The following MBD5 variants were observed in gnomAD, a reference collection of about 807,000 sequenced individuals.
MBD5 encodes the protein methyl-CpG-binding domain protein 5.
MBD5 carries 13 observed loss-of-function variants against 117.3 expected under a neutral mutation model. That is an observed-to-expected ratio of 0.11 (90% CI 0.07 to 0.18). MBD5 has a LOEUF of 0.18. Among genes scored for constraint, MBD5 ranks in the 10% least tolerant of loss-of-function variants. MBD5 has a pLI of 1.00. For missense variants in MBD5, 1,879 were observed against 2,093.8 expected (o/e 0.90, Z 2.00); for synonymous variants, 727 against 766.4 (o/e 0.95, Z 0.85).
chr2:148,291,915 A>G (rs924366157), intron 3 of MBD5, among the ~76,000 whole-genome samples: 1 of 152,184 alleles, frequency 6.6e-6, no homozygotes, highest in Non-Finnish European at 1.5e-5. Flanking sequence ...AAATCCATAC[A>G]CATACAGTGA....
chr2:148,494,906 T>A (rs1399761574), intron 11 of MBD5, among the ~76,000 whole-genome samples: 16 of 152,086 alleles, frequency 1.1e-4, no homozygotes, highest in Non-Finnish European at 4.4e-5. Flanking sequence ...GAGCTCGCAG[T>A]TAGCCGAGAT....
intron 1 of MBD5, among the ~76,000 whole-genome samples, chr2:148,153,453 G>A (rs868380699): frequency 0.01 from 1,239 of 122,798 alleles, 27 homozygotes; most frequent in African/African-American, 0.035. Context: ...TCTTTGTGGC[G>A]TTCTCTGTAT....
intron 6 of MBD5, among the ~76,000 whole-genome samples, chr2:148,463,311 T>C (rs1027099090): frequency 1.3e-5 from 2 of 152,084 alleles, no homozygotes; most frequent in African/African-American, 4.8e-5. Flanking sequence ...AAACAAGTAA[T>C]AGATTTTCAA....
intron 1 of MBD5, among the ~76,000 whole-genome samples, chr2:148,048,951 C>T (rs1694619155): frequency 2.0e-5 from 3 of 152,064 alleles, no homozygotes; most frequent in Admixed American, 6.6e-5. Flanking sequence ...CTTGTGTACT[C>T]CCAGAAAGTA....
intron 4 of MBD5, among the ~76,000 whole-genome samples, chr2:148,448,544 C>T (rs2105465186): frequency 6.6e-6 from 1 of 151,760 alleles, no homozygotes; most frequent in East Asian, 1.9e-4. Context: ...TGTTTATATA[C>T]TTTATATAAA....
intron 1 of MBD5, among the ~76,000 whole-genome samples, chr2:148,151,393 C>G (rs1697660356): frequency 6.6e-6 from 1 of 152,056 alleles, no homozygotes; most frequent in Non-Finnish European, 1.5e-5. Flanking sequence ...GGATATTGGT[C>G]TAAAATTCTC....
intron 3 of MBD5, among the ~76,000 whole-genome samples, chr2:148,251,677 G>T (rs749207616): frequency 6.6e-6 from 1 of 151,920 alleles, no homozygotes; most frequent in African/African-American, 2.4e-5. Context: ...ATATTTTAAG[G>T]TGTTCCAAAT....
At chr2:148,465,231 G>A (rs1707225361) in intron 7 of MBD5, among the ~76,000 whole-genome samples, 1 of 152,086 alleles carries the variant, frequency 6.6e-6, no homozygotes, top group African/African-American at 2.4e-5. Flanking sequence ...GACACATAAT[G>A]TCAGTTTATC....
intron 4 of MBD5, among the ~76,000 whole-genome samples, chr2:148,342,785 A>G (rs1467056475): frequency 6.6e-6 from 1 of 151,606 alleles, no homozygotes; most frequent in African/African-American, 2.4e-5. Flanking sequence ...CTCAACTTTT[A>G]TTTTAGATTC....
At chr2:148,188,861 A>T (rs1698745083) in intron 2 of MBD5, among the ~76,000 whole-genome samples, 1 of 151,692 alleles carries the variant, frequency 6.6e-6, no homozygotes, top group South Asian at 2.1e-4. Context: ...TCATCTCACT[A>T]GGGAGTGCCA....
intron 1 of MBD5, among the ~76,000 whole-genome samples, chr2:148,114,812 A>AT (rs1696590114): frequency 6.6e-6 from 1 of 152,172 alleles, no homozygotes. Context: ...GGTTTGATTA[A>AT]TGTAGTTTCC....
rs184623182 is a variant in MBD5 at position 148,148,489 on chromosome 2, C to A, written c.-924-30211C>A. Among the ~76,000 whole-genome samples, 861 of 152,232 alleles carry A rather than the reference C, an allele frequency of 5.7e-3. 6 individuals carry two copies. The highest frequency in any genetic ancestry group is 0.019 in the South Asian group (94 of 4,828). ...TTGGATTATTTTAAGTTTTTAATTT[C>A]CAGAGTTCTGAAAAAGGTGATTTTG... On this transcript the variant is annotated intron_variant, in intron 1 of 13. Transcript: ENST00000642680.
At chr2:148,472,139 T>G (rs1253411596) in intron 8 of MBD5, 1 of 152,106 alleles carries the variant, frequency 6.6e-6, no homozygotes, top group Non-Finnish European at 1.5e-5. Context: ...TTACTTATAT[T>G]CTTGTTTCTT....
chr2:148,483,194 G>A lies in MBD5; in HGVS notation c.2603G>A (p.Gly868Asp). 1 of 1,613,762 alleles carries A rather than the reference G, an allele frequency of 6.2e-7. No homozygotes were observed. Among genetic ancestry groups the A allele is most frequent in the East Asian group, 2.2e-5 (1 of 44,856 alleles). ...ITKTTSVLQD[G>D]VIVTTAAGNP... ...AAGACAACATCTGTTCTTCAAGATGGCGTCATAGTCACCACTGCAGCTGGA... is the reference window on the plus strand; with the variant it reads ...AAGACAACATCTGTTCTTCAAGATGACGTCATAGTCACCACTGCAGCTGGA... The change falls in exon 9 of 14, where the codon GGC becomes GAC. Residue 868 changes from glycine (G) to aspartate (D), a missense_variant. Transcript: ENST00000642680.
rs79525517 is a variant in MBD5 at position 148,408,490 on chromosome 2, C to T, written c.-556-49713C>T. On this transcript the variant is annotated intron_variant, in intron 4 of 13. Coordinates refer to ENST00000642680, the MANE Select transcript of MBD5 (RefSeq NM_001378120.1). ...AATAATTTTAAGCATTTTGTGTCATCAAATAAAAATCTTGGATTATAATCT... is the reference window on the plus strand; with the variant it reads ...AATAATTTTAAGCATTTTGTGTCATTAAATAAAAATCTTGGATTATAATCT... 8.0e-3 allele frequency among the ~76,000 whole-genome samples: 1,210 copies of T among 152,162 alleles called. 13 individuals are homozygous for T. The highest frequency in any genetic ancestry group is 0.028 in the African/African-American group (1,160 of 41,520).
intron 3 of MBD5, among the ~76,000 whole-genome samples, chr2:148,290,699 C>T (rs1701480876): frequency 6.6e-6 from 1 of 152,074 alleles, no homozygotes; most frequent in Admixed American, 6.5e-5. Flanking sequence ...GTAATTTTTT[C>T]ATTTCTATTA....
intron 1 of MBD5, among the ~76,000 whole-genome samples, chr2:148,022,371 T>C (rs573394939): frequency 4.4e-4 from 67 of 152,320 alleles, no homozygotes; most frequent in African/African-American, 1.5e-3. Flanking sequence ...GTTTCATATA[T>C]CAGTATATAA....
chr2:148,157,581 C>T (rs994620936), intron 1 of MBD5, among the ~76,000 whole-genome samples: 1 of 152,116 alleles, frequency 6.6e-6, no homozygotes, highest in African/African-American at 2.4e-5. Context: ...ACTACAAATG[C>T]CTCATAGATA....
Position 148,512,876 on chromosome 2 carries a change from C to A in MBD5, c.5119C>A (p.Gln1707Lys), listed in dbSNP as rs1446016216. Residue 1707 changes from glutamine to lysine, a missense_variant, in exon 14 of 14, where the codon CAA (glutamine) becomes AAA (lysine). By Grantham distance (53) the Gln-to-Lys change is moderately conservative (BLOSUM62 1). Around this residue, in one of 4 missense-constraint regions of MBD5, gnomAD observed 135 missense variants for 148.0 expected, o/e 0.91. Transcript: ENST00000642680. ...TCTACCTTTTTATTTCCAGGTACAC[C>A]AAATCCCACAGGGTGACAGACAAAT... ...ELDKMSGTVH[Q>K]IPQGDRQMRP... 6.2e-7 allele frequency: 1 copy of A among 1,613,596 alleles called. No homozygotes were observed. Among genetic ancestry groups the A allele is most frequent in the Non-Finnish European group, 8.5e-7 (1 of 1,179,758 alleles).
Sources: gnomAD v4.1 joint callset for allele counts (sites outside exome capture counted in the v4.1 genomes callset) on GRCh38, gnomAD v4.1.1 for gene constraint, gnomAD v4.1.1 regional missense constraint, MANE v1.5 for transcripts, NCBI Gene and HGNC (gene_info 2026-07-23, HGNC 2026-07-21) for gene names.